Variants in CEP128 observed in about 807,000 individuals in gnomAD.
CEP128 encodes the protein centrosomal protein 128kDa.
CEP128 carries 132 observed loss-of-function variants against 156.7 expected under a neutral mutation model. The ratio of observed to expected loss-of-function variants is 0.84; its 90% confidence interval spans 0.73 to 0.97. The LOEUF is 0.97. Ranked by LOEUF, CEP128 falls within the 50% of genes least tolerant of loss-of-function variation. The pLI is 0.00. For synonymous variants in CEP128, 469 were observed against 448.9 expected (o/e 1.04, Z -0.57); for missense variants, 1,252 against 1,281.9 (o/e 0.98, Z 0.36).
Position 80,895,808 on chromosome 14 carries a change from A to G in CEP128, c.573-18T>C. On this transcript the variant is annotated intron_variant, in intron 7 of 24. Transcript: ENST00000555265. ...CATCTGACCTAGGAAGAAAAAAAAAAAAAAGATTTAAATTTGGATATTTAG... is the reference window on the plus strand; with the variant it reads ...CATCTGACCTAGGAAGAAAAAAAAAGAAAAGATTTAAATTTGGATATTTAG... 6.7e-7 allele frequency: 1 copy of G among 1,485,476 alleles called. No individual in the cohort carries two copies. The highest frequency in any genetic ancestry group is 1.3e-5 in the South Asian group (1 of 74,522). The allele number at this position is 1,485,476 out of a possible 1,614,324, so 92.0% of individuals were successfully genotyped here. A position where few individuals can be genotyped will look rare whatever the true frequency, so the allele number is the denominator to read the frequency against.
intron 2 of CEP128, among the ~76,000 whole-genome samples, chr14:80,921,832 G>A (rs909949193): frequency 3.3e-5 from 5 of 151,686 alleles, no homozygotes; most frequent in Admixed American, 1.3e-4. Context: ...GCATGGCGGC[G>A]TGCGCCTGTA....
rs542732074 is a variant in CEP128, at chr14:80,714,606, G to A, written c.2806+28469C>T. 4.6e-5 allele frequency among the ~76,000 whole-genome samples: 7 copies of A among 151,922 alleles called. No individual in the cohort carries two copies. The South Asian group carries it at 6.3e-4, about 14-fold the overall frequency. On this transcript the variant is annotated intron_variant, in intron 19 of 24. Transcript: ENST00000555265. ...CAAGAACGGATCTAGAAAATTACCC[G>A]AGCTCTCTAACAGGCAAACCTCAAA...
chr14:80,719,639 G>A (rs1442099191), intron 19 of CEP128, among the ~76,000 whole-genome samples: 1 of 152,078 alleles, frequency 6.6e-6, no homozygotes. Context: ...ATGTGGGTAA[G>A]GAAACAGAAT....
chr14:80,505,088 C>A, intron 23 of CEP128, 68 bp from the exon 24 acceptor site: 3 of 603,496 alleles, frequency 5.0e-6, no homozygotes, highest in Non-Finnish European at 8.5e-6. Context: ...TTTAAACGTA[C>A]TGAAGCTGAA....
intron 6 of CEP128, among the ~76,000 whole-genome samples, chr14:80,902,713 A>G (rs1324026267): frequency 6.6e-6 from 1 of 152,232 alleles, no homozygotes; most frequent in Non-Finnish European, 1.5e-5. Flanking sequence ...TACTTAGTAG[A>G]AAATGGCTCT....
downstream of CEP128, among the ~76,000 whole-genome samples, chr14:80,495,137 C>T (rs1887449336): frequency 6.6e-6 from 1 of 152,144 alleles, no homozygotes; most frequent in Non-Finnish European, 1.5e-5. Context: ...TTATCCTTCC[C>T]AATGTCCCAG....
At chr14:80,641,849 G>C (rs976108776) in intron 19 of CEP128, among the ~76,000 whole-genome samples, 3 of 152,000 alleles carry the variant, frequency 2.0e-5, no homozygotes, top group East Asian at 3.9e-4. Flanking sequence ...AAGAGAGAGA[G>C]AAGGCCAAGG....
chr14:80,573,495 T>C (rs1377815736), intron 20 of CEP128, among the ~76,000 whole-genome samples: 1 of 152,164 alleles, frequency 6.6e-6, no homozygotes, highest in Non-Finnish European at 1.5e-5. Flanking sequence ...TTCGATATAT[T>C]CAGACACAAG....
chr14:80,938,056 C>A (rs1035785276), intron 2 of CEP128, among the ~76,000 whole-genome samples: 1 of 151,912 alleles, frequency 6.6e-6, no homozygotes, highest in African/African-American at 2.4e-5. Flanking sequence ...GCCACCATGC[C>A]TGGCTAATTT....
intron 18 of CEP128, among the ~76,000 whole-genome samples, chr14:80,751,708 C>A (rs1899403659): frequency 6.6e-6 from 1 of 150,836 alleles, no homozygotes; most frequent in African/African-American, 2.4e-5. Flanking sequence ...AGGCTCACTA[C>A]AACCTTTGCC....
intron 23 of CEP128, among the ~76,000 whole-genome samples, chr14:80,514,421 T>C (rs1262625804): frequency 6.6e-6 from 1 of 152,024 alleles, no homozygotes; most frequent in Admixed American, 6.6e-5. Context: ...TTTTTTTTTT[T>C]GTCTCCTCTG....
At chr14:80,612,160 A>G (rs1187394593) in intron 19 of CEP128, among the ~76,000 whole-genome samples, 1 of 152,250 alleles carries the variant, frequency 6.6e-6, no homozygotes, top group Non-Finnish European at 1.5e-5. Flanking sequence ...ACGAGCCACA[A>G]AAATGTAGTT....
At chr14:80,919,533 T>C (rs539855404) in intron 2 of CEP128, among the ~76,000 whole-genome samples, 1 of 152,274 alleles carries the variant, frequency 6.6e-6, no homozygotes, top group South Asian at 2.1e-4. Flanking sequence ...ACTAGCATGA[T>C]TTCATGTATA....
chr14:80,747,093 G>A (rs1346160928), intron 18 of CEP128, among the ~76,000 whole-genome samples: 3 of 152,214 alleles, frequency 2.0e-5, no homozygotes, highest in African/African-American at 4.8e-5. Flanking sequence ...AATTGTTTGT[G>A]TAGATGTGGA....
At chr14:80,877,207 G>GA (rs1888324775) in intron 8 of CEP128, among the ~76,000 whole-genome samples, 1 of 151,336 alleles carries the variant, frequency 6.6e-6, no homozygotes, top group Non-Finnish European at 1.5e-5. Flanking sequence ...GTGGAATACA[G>GA]AAAAATGAAA....
chr14:80,913,037 CATTA>C (rs1884339667), intron 4 of CEP128, among the ~76,000 whole-genome samples: 1 of 152,132 alleles, frequency 6.6e-6, no homozygotes, highest in African/African-American at 2.4e-5. Context: ...ATTAGTAAGA[CATTA>C]ATTAAAAATA....
At chr14:80,893,077 G>A (rs982254158) in intron 8 of CEP128, among the ~76,000 whole-genome samples, 1 of 151,848 alleles carries the variant, frequency 6.6e-6, no homozygotes, top group Admixed American at 6.6e-5. Flanking sequence ...AACAACCTAA[G>A]TGTCTGTTGA....
chr14:80,530,918 T>C (rs774071506), intron 21 of CEP128, 32 bp from the exon 22 acceptor site: 1 of 1,428,604 alleles, frequency 7.0e-7, no homozygotes, highest in South Asian at 1.3e-5. Context: ...AACCAAACAT[T>C]ATAAAAAATT....
At chr14:80,543,988 G>C (rs1389691639) in intron 21 of CEP128, among the ~76,000 whole-genome samples, 1 of 152,086 alleles carries the variant, frequency 6.6e-6, no homozygotes, top group Non-Finnish European at 1.5e-5. Context: ...CCGAAAATTA[G>C]GCAGGATTTC....
Sources: allele counts gnomAD v4.1 joint callset (sites outside exome capture counted in the v4.1 genomes callset), GRCh38; gene constraint gnomAD v4.1.1; transcripts MANE v1.5; gene names NCBI Gene and HGNC (gene_info 2026-07-23, HGNC 2026-07-21).